PAX7: variants seen among roughly 807,000 people sequenced by gnomAD.
The protein encoded by PAX7 is paired box 7, also known as paired box protein Pax-7.
Under a neutral mutation model 50.7 loss-of-function variants are expected in PAX7, and 18 were observed. The observed-to-expected ratio is 0.36, with a 90% CI of 0.25 to 0.53. The LOEUF (loss-of-function observed/expected upper bound fraction) is 0.53, where lower values mean the gene tolerates loss of function less well. PAX7 is among the 20% of genes least tolerant of loss of function. PAX7 has a pLI of 0.93. For synonymous variants in PAX7, 310 were observed against 290.4 expected (o/e 1.07, Z -0.69); for missense variants, 644 against 702.9 (o/e 0.92, Z 0.95).
intron 7 of PAX7, among the ~76,000 whole-genome samples, chr1:18,715,063 G>A (rs1237437226): frequency 1.3e-5 from 2 of 152,340 alleles, no homozygotes; most frequent in East Asian, 1.9e-4. Flanking sequence ...AGGCAAGATC[G>A]CAGGTAGGAG....
chr1:18,656,497 C>T (rs1025010070), intron 4 of PAX7, among the ~76,000 whole-genome samples: 2 of 151,668 alleles, frequency 1.3e-5, no homozygotes, highest in Admixed American at 1.3e-4. Context: ...GACGCTGTCT[C>T]AAACAAATAA....
chr1:18,635,834 G>A (rs963607049), intron 3 of PAX7, among the ~76,000 whole-genome samples: 17 of 152,042 alleles, frequency 1.1e-4, no homozygotes, highest in African/African-American at 4.1e-4. Flanking sequence ...GTGTGTGTGT[G>A]TGTACATGTG....
rs993359624 is a variant in PAX7, at chr1:18,640,646, G to T, written c.586+4275G>T. ...CTCCACCAAATCAAAGGATTACCCC[G>T]GGTTGGCAATCTAATCAAACAGAGT... is the stretch of plus-strand genomic sequence containing the variant. On this transcript the variant is annotated intron_variant, in intron 4 of 8. Transcript: ENST00000420770. 2.0e-5 allele frequency among the ~76,000 whole-genome samples: 3 copies of T among 152,280 alleles called. No homozygotes were observed. In the East Asian group the frequency reaches 5.8e-4, roughly 29 times the overall value.
intron 5 of PAX7, among the ~76,000 whole-genome samples, chr1:18,693,067 G>A (rs1016982414): frequency 4.6e-5 from 7 of 152,158 alleles, no homozygotes; most frequent in African/African-American, 7.2e-5. Flanking sequence ...AGGAAGAGCC[G>A]GGACAAGTCG....
intron 4 of PAX7, among the ~76,000 whole-genome samples, chr1:18,659,340 A>AG (rs1477624882): frequency 1.3e-5 from 2 of 152,168 alleles, no homozygotes; most frequent in Admixed American, 6.5e-5. Flanking sequence ...AGGAAAGGGG[A>AG]GGGGGCAGCC....
At chr1:18,693,231 C>G (rs1039102505) in intron 5 of PAX7, among the ~76,000 whole-genome samples, 1 of 152,278 alleles carries the variant, frequency 6.6e-6, no homozygotes, top group South Asian at 2.1e-4. Context: ...CTGCTGACGG[C>G]GGGCACTTCC....
rs189568769 is a variant in PAX7 at position 18,675,654 on chromosome 1, G to A, written c.587-16100G>A. On this transcript the variant is annotated intron_variant, in intron 4 of 8. Coordinates refer to ENST00000420770, the MANE Select transcript of PAX7 (RefSeq NM_001135254.2). Reference sequence around the variant, plus strand: ...TGCAGAGACTCTTAGCCAGGAAGCCGAAATGAGCCCCCGGCTGCTTTTTGT... The same window carrying A: ...TGCAGAGACTCTTAGCCAGGAAGCCAAAATGAGCCCCCGGCTGCTTTTTGT... Among the ~76,000 whole-genome samples the A allele has an allele frequency of 7.6e-3, 1,154 of 152,310 alleles. 14 individuals carry two copies. Among genetic ancestry groups the A allele is most frequent in the African/African-American group, 0.026 (1,065 of 41,562 alleles).
intron 6 of PAX7, among the ~76,000 whole-genome samples, chr1:18,701,743 C>A (rs1252824605): frequency 6.6e-6 from 1 of 152,172 alleles, no homozygotes; most frequent in African/African-American, 2.4e-5. Context: ...GGGGTCAGAG[C>A]CCTCAGGTCC....
intron 4 of PAX7, among the ~76,000 whole-genome samples, chr1:18,670,800 C>T (rs886875165): frequency 5.9e-5 from 9 of 152,180 alleles, no homozygotes; most frequent in Non-Finnish European, 1.0e-4. Flanking sequence ...TCAGGCACCA[C>T]TTAAGAGGAT....
chr1:18,637,808 G>A (rs1042283875), intron 4 of PAX7, among the ~76,000 whole-genome samples: 2 of 152,366 alleles, frequency 1.3e-5, no homozygotes, highest in Admixed American at 1.3e-4. Flanking sequence ...TAGTGATGCC[G>A]CAGTCCCGCC....
chr1:18,644,701 G>A (rs1385239156), intron 4 of PAX7, among the ~76,000 whole-genome samples: 2 of 152,086 alleles, frequency 1.3e-5, no homozygotes, highest in Non-Finnish European at 2.9e-5. Context: ...CCTGCCCTTG[G>A]TCTGGTCCTT....
At chr1:18,663,050 C>A (rs530799989) in intron 4 of PAX7, among the ~76,000 whole-genome samples, 1 of 152,316 alleles carries the variant, frequency 6.6e-6, no homozygotes, top group Non-Finnish European at 1.5e-5. Context: ...CACAGAGAAA[C>A]GGCACATCTA....
chr1:18,741,156 GATAAATACTGGGCCAGGC>G (rs1341713700), intron 8 of PAX7, among the ~76,000 whole-genome samples: 1 of 152,132 alleles, frequency 6.6e-6, no homozygotes, highest in Middle Eastern at 3.2e-3. Flanking sequence ...ACATAGAAAT[GATAAATACTGGGCCAGGC>G]ATGGTGGCTC....
intron 7 of PAX7, among the ~76,000 whole-genome samples, chr1:18,705,674 T>C (rs1168841790): frequency 6.6e-6 from 1 of 152,152 alleles, no homozygotes; most frequent in Non-Finnish European, 1.5e-5. Context: ...ACCAACCCAC[T>C]GGTGTGAGCA....
chr1:18,694,883 C>T (rs1224904174), intron 5 of PAX7, among the ~76,000 whole-genome samples: 1 of 152,184 alleles, frequency 6.6e-6, no homozygotes, highest in East Asian at 1.9e-4. Flanking sequence ...GCACAATGTC[C>T]AGTCAATCAG....
At chr1:18,646,953 G>C (rs192878265) in intron 4 of PAX7, among the ~76,000 whole-genome samples, 6,560 of 138,970 alleles carry the variant, frequency 0.047, 261 homozygotes, top group East Asian at 0.13. Context: ...TCAAGAGCGG[G>C]CACGCTGGGA....
intron 4 of PAX7, among the ~76,000 whole-genome samples, chr1:18,653,529 T>C (rs1284884437): frequency 2.6e-5 from 4 of 152,162 alleles, no homozygotes; most frequent in East Asian, 3.9e-4. Context: ...TGAGAATGTG[T>C]TCAGGGGTCT....
chr1:18,709,261 G>C (rs1338254469), intron 7 of PAX7, among the ~76,000 whole-genome samples: 1 of 152,130 alleles, frequency 6.6e-6, no homozygotes, highest in Non-Finnish European at 1.5e-5. Context: ...ACGACCTCGT[G>C]GAAGGGGCGT....
At chr1:18,698,780 G>A (rs1162256338) in intron 5 of PAX7, among the ~76,000 whole-genome samples, 1 of 151,902 alleles carries the variant, frequency 6.6e-6, no homozygotes, top group Non-Finnish European at 1.5e-5. Context: ...TCCAGGCTTG[G>A]CTGCCTCCTC....
Sources: gnomAD v4.1 joint callset for allele counts (sites outside exome capture counted in the v4.1 genomes callset) on GRCh38, gnomAD v4.1.1 for gene constraint, MANE v1.5 for transcripts, NCBI Gene and HGNC (gene_info 2026-07-23, HGNC 2026-07-21) for gene names.